Variants in FANCC observed in about 807,000 individuals in gnomAD.
The protein encoded by FANCC is Fanconi anemia group C protein.
FANCC carries 55 observed loss-of-function variants against 71.3 expected under a neutral mutation model. The ratio of observed to expected loss-of-function variants is 0.77; its 90% confidence interval spans 0.62 to 0.97. The LOEUF (loss-of-function observed/expected upper bound fraction) is 0.97. FANCC is among the 50% of genes least tolerant of loss of function. FANCC has a pLI of 0.00. For missense variants in FANCC, 678 were observed against 670.9 expected (o/e 1.01, Z -0.12); for synonymous variants, 275 against 244.9 (o/e 1.12, Z -1.15).
intron 4 of FANCC, among the ~76,000 whole-genome samples, chr9:95,188,940 T>C (rs1332689508): frequency 6.6e-6 from 1 of 152,174 alleles, no homozygotes; most frequent in Non-Finnish European, 1.5e-5. Flanking sequence ...ACAAATGATA[T>C]TTTAAGTTCA....
intron 10 of FANCC, among the ~76,000 whole-genome samples, chr9:95,121,916 G>A (rs1251239961): frequency 2.0e-5 from 3 of 149,234 alleles, no homozygotes; most frequent in Non-Finnish European, 4.4e-5. Flanking sequence ...GGAGTGCAGT[G>A]GCGCAATCTC....
rs180781716 is a variant in FANCC at position 95,129,718 on chromosome 9, G to A, written c.844-3137C>T. On this transcript the variant is annotated intron_variant, in intron 8 of 14. Coordinates refer to ENST00000289081, the MANE Select transcript of FANCC (RefSeq NM_000136.3). The stretch of plus-strand genomic sequence containing the variant: ...TTCCACAGGCAGATCATTTCAACTC[G>A]AGGGGAGCTATGTCAGCAGGAGGTC... Among the ~76,000 whole-genome samples, 10 of 152,166 alleles carry A rather than the reference G, an allele frequency of 6.6e-5. No individual in the cohort carries two copies. In the East Asian group the frequency reaches 9.6e-4, roughly 15 times the overall value.
chr9:95,150,215 T>C lies in FANCC; in HGVS notation c.522-128A>G, dbSNP rs1830100326. ...TTTGCCTCTAAATAAAGAGAATGAC[T>C]CTAACACCATCGATGAACACTTCTC... On this transcript the variant is annotated intron_variant, in intron 6 of 14. Transcript: ENST00000289081. The C allele has an allele frequency of 3.6e-6, 3 of 833,106 alleles. No individual in the cohort carries two copies. The South Asian group carries it at 4.6e-5, about 13-fold the overall frequency. The allele number at this position is 833,106 out of a possible 1,614,324, so 51.6% of individuals were successfully genotyped here.
chr9:95,150,127 C>A (rs369990205), intron 6 of FANCC, 40 bp from the exon 7 acceptor site: 44 of 1,609,232 alleles, frequency 2.7e-5, no homozygotes, highest in Non-Finnish European at 3.5e-5. Context: ...AATCTAAGAG[C>A]CATGCATAAT....
chr9:95,256,625 T>A (rs893525765), intron 1 of FANCC, among the ~76,000 whole-genome samples: 1 of 152,120 alleles, frequency 6.6e-6, no homozygotes, highest in African/African-American at 2.4e-5. Context: ...AGAAACTCCA[T>A]CAACTAATGG....
At chr9:95,155,331 A>AAGGAAGGG (rs1281640636) in intron 6 of FANCC, among the ~76,000 whole-genome samples, 1 of 29,040 alleles carries the variant, frequency 3.4e-5, no homozygotes, top group African/African-American at 1.7e-4. Context: ...GGAGGGGAGG[A>AAGGAAGGG]AGGAAGGGAG....
chr9:95,130,280 T>TTC (rs1826687581), intron 8 of FANCC, among the ~76,000 whole-genome samples: 1 of 148,678 alleles, frequency 6.7e-6, no homozygotes, highest in East Asian at 2.0e-4. Flanking sequence ...CATTTGCTGA[T>TTC]TCTGTGTGTG....
chr9:95,179,372 T>C (rs546675399), intron 4 of FANCC, among the ~76,000 whole-genome samples: 1 of 152,324 alleles, frequency 6.6e-6, no homozygotes, highest in South Asian at 2.1e-4. Flanking sequence ...TTAATGATTG[T>C]TACTAGCTCT....
chr9:95,311,159 G>A (rs1426707522), intron 1 of FANCC, among the ~76,000 whole-genome samples: 6 of 151,228 alleles, frequency 4.0e-5, no homozygotes, highest in Admixed American at 3.3e-4. Context: ...GTGTGAACCC[G>A]GGAGGCAGAG....
At chr9:95,230,747 G>A (rs1244196728) in intron 4 of FANCC, among the ~76,000 whole-genome samples, 7 of 152,108 alleles carry the variant, frequency 4.6e-5, no homozygotes, top group Admixed American at 3.9e-4. Context: ...TGTGGAAGGC[G>A]ACCCAAGTGA....
chr9:95,295,355 C>A (rs575660591), intron 1 of FANCC, among the ~76,000 whole-genome samples: 4 of 151,798 alleles, frequency 2.6e-5, no homozygotes, highest in African/African-American at 9.7e-5. Context: ...CAAAACAAAA[C>A]AAAAAACAAA....
intron 1 of FANCC, among the ~76,000 whole-genome samples, chr9:95,284,860 TCACACA>T (rs1180807258): frequency 8.0e-6 from 1 of 125,668 alleles, no homozygotes; most frequent in Non-Finnish European, 1.6e-5. Flanking sequence ...CTCCTCTCTC[TCACACA>T]CACACACACA....
rs181877145 is a variant in FANCC, at chr9:95,190,406, C to T, written c.346-18259G>A. On this transcript the variant is annotated intron_variant, in intron 4 of 14. Coordinates refer to ENST00000289081, the MANE Select transcript of FANCC (RefSeq NM_000136.3). ...TCCTACCTCTCCCTCCTTCTAATTA[C>T]TCCTCATCTCTGTGTTCTGCATTTA... Among the ~76,000 whole-genome samples, 16 of 152,318 alleles carry T rather than the reference C, an allele frequency of 1.1e-4. No homozygotes were observed. In the South Asian group the frequency reaches 1.5e-3, roughly 14 times the overall value.
chr9:95,196,506 G>C (rs576997048), intron 4 of FANCC, among the ~76,000 whole-genome samples: 3 of 151,890 alleles, frequency 2.0e-5, no homozygotes, highest in Non-Finnish European at 4.4e-5. Flanking sequence ...TTGTTATCCT[G>C]GCTCTTTGTA....
chr9:95,294,557 C>T, intron 1 of FANCC: 2 of 1,541,764 alleles, frequency 1.3e-6, no homozygotes, highest in Admixed American at 1.7e-5. Context: ...GACACAGAGA[C>T]ACAAACTGAA....
chr9:95,159,216 T>G (rs958802522), intron 6 of FANCC, among the ~76,000 whole-genome samples: 1 of 152,168 alleles, frequency 6.6e-6, no homozygotes. Context: ...CAGGGTGTGA[T>G]GTTCCCCACC....
chr9:95,302,267 C>T (rs1834793541), intron 1 of FANCC, among the ~76,000 whole-genome samples: 1 of 152,112 alleles, frequency 6.6e-6, no homozygotes. Context: ...ACCCTAGTTG[C>T]ATTCTGGTAG....
chr9:95,223,276 GT>G (rs1463349814), intron 4 of FANCC, among the ~76,000 whole-genome samples: 2 of 152,158 alleles, frequency 1.3e-5, no homozygotes, highest in African/African-American at 4.8e-5. Context: ...TGTGAGGGCT[GT>G]GAGGAAATGC....
Position 95,101,710 on chromosome 9 carries a change from G to A in FANCC, c.1674C>T (p.Val558=). 1.2e-6 allele frequency: 2 copies of A among 1,613,938 alleles called. No homozygotes were observed. Among genetic ancestry groups the A allele is most frequent in the East Asian group, 4.5e-5 (2 of 44,864 alleles). ...ACCCACACGGCCTGCGTGCCTTCTA[G>A]ACTTGAGTTCGCAGCTCTTTAAGGA... ...RELLKELRTQ[V] Residue 558 remains valine, a synonymous_variant, in exon 15 of 15, where the codon GTC becomes GTT. Transcript: ENST00000289081.
Sources: gnomAD v4.1 joint callset for allele counts (sites outside exome capture counted in the v4.1 genomes callset) on GRCh38, gnomAD v4.1.1 for gene constraint, MANE v1.5 for transcripts, NCBI Gene and HGNC (gene_info 2026-07-23, HGNC 2026-07-21) for gene names.